The following SLC30A8 variants were observed in gnomAD, a reference collection of about 807,000 sequenced individuals.
SLC30A8 encodes solute carrier family 30 member 8.
A neutral mutation model predicts 36.9 loss-of-function variants in SLC30A8; 27 were observed. That is an observed-to-expected ratio of 0.73 (90% CI 0.54 to 1.01). The LOEUF is 1.01. Ranked by LOEUF, SLC30A8 falls within the 50% of genes least tolerant of loss-of-function variation. The pLI is 0.00. For synonymous variants in SLC30A8, 164 were observed against 172.4 expected, an observed-to-expected ratio of 0.95 and a Z score of 0.38; for missense variants, 439 against 452.0, an observed-to-expected ratio of 0.97 and a Z score of 0.26.
At chr8:116,983,642 A>G (rs898429727) in intron 1 of SLC30A8, among the ~76,000 whole-genome samples, 10 of 152,090 alleles carry the variant, frequency 6.6e-5, no homozygotes, top group Admixed American at 2.0e-4. Context: ...CACTTTTTCT[A>G]TGTTATTTGC....
intron 2 of SLC30A8, among the ~76,000 whole-genome samples, chr8:117,077,555 A>G (rs1188643224): frequency 6.6e-6 from 1 of 152,224 alleles, no homozygotes; most frequent in Non-Finnish European, 1.5e-5. Context: ...ACTTTATTTC[A>G]TCATCTGTAA....
rs112927802 is a variant in SLC30A8 at position 117,155,177 on chromosome 8, C to T, written c.418+2087C>T. 8.2e-3 allele frequency among the ~76,000 whole-genome samples: 1,242 copies of T among 152,264 alleles called. 16 individuals carry two copies. The highest frequency in any genetic ancestry group is 0.028 in the African/African-American group (1,173 of 41,564). ...ATTTACCAATGATCCTCATGTGCCT[C>T]CTGTTCTAACTAGTTACTTTTGGAT... is the stretch of plus-strand genomic sequence containing the variant. On this transcript the variant is annotated intron_variant, in intron 3 of 7. Transcript: ENST00000456015.
At chr8:116,977,788 G>T (rs555930042) in intron 1 of SLC30A8, among the ~76,000 whole-genome samples, 16 of 152,106 alleles carry the variant, frequency 1.1e-4, no homozygotes, top group Non-Finnish European at 2.2e-4. Context: ...GGGATTACAG[G>T]TGTGAGCCAC....
chr8:117,170,596 C>T (rs1418258496), intron 6 of SLC30A8, among the ~76,000 whole-genome samples: 1 of 152,140 alleles, frequency 6.6e-6, no homozygotes, highest in Admixed American at 6.5e-5. Context: ...TTGTTCTTAA[C>T]ACCCTTATTT....
intron 1 of SLC30A8, among the ~76,000 whole-genome samples, chr8:117,137,996 C>T (rs183110540): frequency 6.7e-6 from 1 of 149,858 alleles, no homozygotes; most frequent in East Asian, 2.0e-4. Context: ...TATTTTTTTA[C>T]CCTCTCCATT....
chr8:116,984,953 G>C (rs4268154), intron 1 of SLC30A8, among the ~76,000 whole-genome samples: 4,880 of 151,908 alleles, frequency 0.032, 247 homozygotes, highest in African/African-American at 0.11. Context: ...CTTTTAATGA[G>C]TTCTCCCCTT....
intron 1 of SLC30A8, among the ~76,000 whole-genome samples, chr8:116,955,759 CAG>C (rs1814176296): frequency 6.6e-6 from 1 of 151,502 alleles, no homozygotes; most frequent in South Asian, 2.1e-4. Context: ...AACAAAAAGA[CAG>C]AGATGCTGAG....
At chr8:117,048,240 A>G (rs1466277456) in intron 2 of SLC30A8, among the ~76,000 whole-genome samples, 1 of 152,142 alleles carries the variant, frequency 6.6e-6, no homozygotes, top group African/African-American at 2.4e-5. Flanking sequence ...TGTGCCAAGG[A>G]TGGTCATATG....
At chr8:117,087,591 G>T (rs1818932017) in intron 2 of SLC30A8, among the ~76,000 whole-genome samples, 1 of 151,256 alleles carries the variant, frequency 6.6e-6, no homozygotes, top group African/African-American at 2.4e-5. Context: ...TATTTGTCTT[G>T]CTGTATTTGG....
At chr8:117,019,640 A>G (rs1816639089) in intron 1 of SLC30A8, among the ~76,000 whole-genome samples, 1 of 152,316 alleles carries the variant, frequency 6.6e-6, no homozygotes, top group Non-Finnish European at 1.5e-5. Context: ...TGGTCGCAGT[A>G]GTAATCCCAG....
chr8:117,081,034 ATTTAC>A (rs913216150), intron 2 of SLC30A8, among the ~76,000 whole-genome samples: 1 of 152,112 alleles, frequency 6.6e-6, no homozygotes, highest in Non-Finnish European at 1.5e-5. Context: ...GTTTCATTTT[ATTTAC>A]TTTAATATCT....
chr8:116,964,455 C>G (rs915603535), intron 1 of SLC30A8, among the ~76,000 whole-genome samples: 4 of 152,146 alleles, frequency 2.6e-5, no homozygotes, highest in African/African-American at 9.7e-5. Flanking sequence ...TGGCTCTAAA[C>G]TGTGTTTTAA....
chr8:117,150,564 C>A (rs540259549), intron 2 of SLC30A8, among the ~76,000 whole-genome samples: 1 of 152,246 alleles, frequency 6.6e-6, no homozygotes, highest in South Asian at 2.1e-4. Flanking sequence ...CTAGTTCATG[C>A]CTTTATCATA....
intron 2 of SLC30A8, among the ~76,000 whole-genome samples, chr8:117,049,267 G>T (rs1817638639): frequency 6.6e-6 from 1 of 152,128 alleles, no homozygotes; most frequent in East Asian, 1.9e-4. Flanking sequence ...ACTACATAAT[G>T]TTGCCCACAT....
chr8:117,063,163 G>C (rs1156912016), intron 2 of SLC30A8, among the ~76,000 whole-genome samples: 1 of 152,178 alleles, frequency 6.6e-6, no homozygotes, highest in Admixed American at 6.5e-5. Flanking sequence ...AATTGCTTTG[G>C]ATGGCTGCTC....
At chr8:117,105,909 T>C (rs1027135576) in intron 2 of SLC30A8, among the ~76,000 whole-genome samples, 4 of 152,216 alleles carry the variant, frequency 2.6e-5, no homozygotes, top group East Asian at 1.9e-4. Flanking sequence ...TTCTCTTAAA[T>C]TGCAGAGAGC....
intron 2 of SLC30A8, among the ~76,000 whole-genome samples, chr8:117,105,613 T>A (rs1399181441): frequency 6.6e-6 from 1 of 152,168 alleles, no homozygotes; most frequent in Non-Finnish European, 1.5e-5. Flanking sequence ...TTAGTCAGGA[T>A]TTCTATGTTG....
At chr8:117,162,980 G>A (rs1822871778) in intron 5 of SLC30A8, among the ~76,000 whole-genome samples, 1 of 152,228 alleles carries the variant, frequency 6.6e-6, no homozygotes, top group Non-Finnish European at 1.5e-5. Context: ...CAAGAGCATA[G>A]TCCAGCTGTA....
At chr8:116,966,707 TCTC>T (rs1369814101) in intron 1 of SLC30A8, among the ~76,000 whole-genome samples, 1 of 152,108 alleles carries the variant, frequency 6.6e-6, no homozygotes, top group Non-Finnish European at 1.5e-5. Flanking sequence ...GAATCTCAGT[TCTC>T]CTAGCTGACA....
Sources: gnomAD v4.1 joint callset for allele counts (sites outside exome capture counted in the v4.1 genomes callset) on GRCh38, gnomAD v4.1.1 for gene constraint, MANE v1.5 for transcripts, NCBI Gene and HGNC (gene_info 2026-07-23, HGNC 2026-07-21) for gene names.